The following CEP295 variants were observed in gnomAD, a reference collection of about 807,000 sequenced individuals.
CEP295 encodes centrosomal protein 295, also known as centrosomal protein of 295 kDa.
CEP295 carries 190 observed loss-of-function variants against 291.6 expected under a neutral mutation model. That is an observed-to-expected ratio of 0.65 (90% CI 0.58 to 0.73). The LOEUF is 0.73. CEP295 is among the 30% of genes least tolerant of loss of function. The pLI is 0.00. For missense variants in CEP295, 2,863 were observed against 2,949.4 expected (o/e 0.97, Z 0.68); for synonymous variants, 993 against 1,038.8 (o/e 0.96, Z 0.85).
intron 21 of CEP295, chr11:93,723,610 G>GC: frequency 5.3e-6 from 1 of 188,374 alleles, no homozygotes; most frequent in African/African-American, 2.4e-5. Flanking sequence ...TTGAGTCATA[G>GC]CCTGACCATT....
At chr11:93,664,593 C>A (rs1413707555) in intron 1 of CEP295, among the ~76,000 whole-genome samples, 2 of 152,184 alleles carry the variant, frequency 1.3e-5, no homozygotes, top group Admixed American at 1.3e-4. Flanking sequence ...TGTAGCACTT[C>A]ACATAAATTA....
At chr11:93,709,816 T>A (rs12801458) in intron 18 of CEP295, among the ~76,000 whole-genome samples, 7,461 of 152,250 alleles carry the variant, frequency 0.049, 272 homozygotes, top group Non-Finnish European at 0.077. Context: ...CCTCTTTAAT[T>A]TCTTCCATCA....
At chr11:93,685,202 T>A (rs114451553) in intron 9 of CEP295, among the ~76,000 whole-genome samples, 121 of 152,334 alleles carry the variant, frequency 7.9e-4, no homozygotes, top group African/African-American at 2.8e-3. Flanking sequence ...ATTCAGCTAT[T>A]TTTGCCCCGT....
Position 93,697,560 on chromosome 11 carries a change from C to T in CEP295, c.2648C>T (p.Thr883Met), listed in dbSNP as rs910870570. The change falls in exon 15 of 30, where the codon ACG (threonine) becomes ATG (methionine). Residue 883 changes from threonine (T) to methionine (M), a missense_variant. By Grantham distance (81) the Thr-to-Met change is moderately conservative (BLOSUM62 -1). Coordinates refer to ENST00000325212, the MANE Select transcript of CEP295 (RefSeq NM_033395.2). ...AAACAGAAAGAAGTGGAACAGCAAA[C>T]GGGCCTCTCGGTATTCCTTCCCTTG... is the stretch of plus-strand genomic sequence containing the variant. ...LCKQKEVEQQ[T>M]GLSVFLPLVT... 7.7e-6 allele frequency: 12 copies of T among 1,551,574 alleles called. No individual in the cohort carries two copies. Among genetic ancestry groups the T allele is most frequent in the East Asian group, 7.3e-5 (3 of 40,942 alleles).
At chr11:93,721,500 C>T (rs1384778106) in intron 19 of CEP295, 88 bp downstream of exon 19, 1 of 887,238 alleles carries the variant, frequency 1.1e-6, no homozygotes, top group Non-Finnish European at 1.9e-6. Flanking sequence ...TATGTTATAA[C>T]ATTAAAGTCA....
Position 93,699,603 on chromosome 11 carries a change from A to G in CEP295, c.4691A>G (p.Gln1564Arg), listed in dbSNP as rs763266373. 9 of 1,551,850 alleles carry G rather than the reference A, an allele frequency of 5.8e-6. No individual in the cohort carries two copies. Among genetic ancestry groups the G allele is most frequent in the Non-Finnish European group, 7.8e-6 (9 of 1,147,100 alleles). Residue 1564 changes from glutamine (Q) to arginine (R), a missense_variant, in exon 15 of 30, where the codon CAG becomes CGG. Physicochemically the swap from Gln to Arg is conservative, Grantham distance 43 (BLOSUM62 1). Around this residue, in one of 3 missense-constraint regions of CEP295, gnomAD observed 2,295 missense variants for 2,335.7 expected, o/e 0.98. Transcript: ENST00000325212. Reference sequence around the variant, plus strand: ...CCTGTTGCTGACTCTGAAAGAACCCAGAAGTCTTTCCCAACCAAAAGTAAT... The same window carrying G: ...CCTGTTGCTGACTCTGAAAGAACCCGGAAGTCTTTCCCAACCAAAAGTAAT... ...QVPVADSERT[Q>R]KSFPTKSNDT...
chr11:93,721,346 A>G lies in CEP295; in HGVS notation c.5784A>G (p.Ala1928=), dbSNP rs574887331. The change falls in exon 19 of 30, where the codon GCA becomes GCG. Residue 1928 remains alanine (A), a synonymous_variant. Transcript: ENST00000325212. ...AGGAATCTGTTGTTGAAAATCATGC[A>G]GTGTTAAGTTATGCTGTGGAGGAAG... ...KLKESVVENH[A]VLSYAVEEEH... 37 of 1,557,344 alleles carry G rather than the reference A, an allele frequency of 2.4e-5. 1 individual carries two copies. In the South Asian group the frequency reaches 2.9e-4, roughly 12 times the overall value.
rs1391038215 is a variant in CEP295 at position 93,728,841 on chromosome 11, C to CAG, written c.7302+20_7302+21insAG. 6.6e-7 allele frequency: 1 copy of CAG among 1,521,088 alleles called. No individual in the cohort carries two copies. Among genetic ancestry groups the CAG allele is most frequent in the East Asian group, 2.5e-5 (1 of 40,736 alleles). 94.2% of individuals were successfully genotyped at this position (1,521,088 alleles called of 1,614,324 possible). A position where few individuals can be genotyped will look rare whatever the true frequency, so the allele number is the denominator to read the frequency against. ...TTTCAGGTAAATTTAAGCTTTCCTT[C>CAG]TATTTTATTCTATTACAAGCAAACC... On this transcript the variant is annotated intron_variant, in intron 25 of 29. Coordinates refer to ENST00000325212, the MANE Select transcript of CEP295 (RefSeq NM_033395.2).
At chr11:93,727,820 GA>G in intron 24 of CEP295, 183 bp downstream of exon 24, 1 of 503,380 alleles carries the variant, frequency 2.0e-6, no homozygotes, top group East Asian at 3.2e-5. Flanking sequence ...TGCCTGGCAG[GA>G]AAAACCTGAA....
At position 93,691,984 on chromosome 11, in the gene CEP295, C is replaced by G; in HGVS notation, c.1487C>G (p.Pro496Arg). 6.5e-7 allele frequency: 1 copy of G among 1,545,022 alleles called. No homozygotes were observed. Among genetic ancestry groups the G allele is most frequent in the Non-Finnish European group, 8.8e-7 (1 of 1,141,094 alleles). ...TVAQSSVLLH[P>R]QEAAARIRMS... ...GCTCAGAGTTCAGTTCTACTTCATCCTCAAGAAGCAGCAGCCAGGATTAGA... is the reference window on the plus strand; with the variant it reads ...GCTCAGAGTTCAGTTCTACTTCATCGTCAAGAAGCAGCAGCCAGGATTAGA... The change falls in exon 12 of 30, where the codon CCT becomes CGT. Residue 496 changes from proline to arginine, a missense_variant. Transcript: ENST00000325212.
Position 93,687,710 on chromosome 11 carries a change from T to A in CEP295, c.1181T>A (p.Ile394Asn), listed in dbSNP as rs1951314318. ...KVLFKKLLNKIRSQKSLWTIK... is the reference protein window; with the variant it reads ...KVLFKKLLNKNRSQKSLWTIK... ...CTTTTTAAAAAATTATTAAATAAGA[T>A]CCGAAGCCAAAAATCTCTCTGGACA... is the stretch of plus-strand genomic sequence containing the variant. Residue 394 changes from isoleucine to asparagine, a missense_variant, in exon 10 of 30, where the codon ATC becomes AAC. This residue lies in a region of CEP295 where 554 missense variants were observed against 576.0 expected (regional missense o/e 0.96). Coordinates refer to ENST00000325212, the MANE Select transcript of CEP295 (RefSeq NM_033395.2). 6.5e-7 allele frequency: 1 copy of A among 1,547,878 alleles called. No individual in the cohort carries two copies. Among genetic ancestry groups the A allele is most frequent in the Non-Finnish European group, 8.7e-7 (1 of 1,144,216 alleles).
chr11:93,661,812 A>G (rs905806012), intron 1 of CEP295, 38 bp downstream of exon 1: 1 of 152,696 alleles, frequency 6.5e-6, no homozygotes, highest in African/African-American at 2.4e-5. Flanking sequence ...GTCGCCCCGT[A>G]GGAGCATGAC....
intron 3 of CEP295, among the ~76,000 whole-genome samples, chr11:93,668,374 G>T (rs1490435475): frequency 1.3e-5 from 2 of 152,124 alleles, no homozygotes; most frequent in Non-Finnish European, 2.9e-5. Context: ...GTTTTAGTCT[G>T]TGTTTTTAGT....
At chr11:93,682,629 A>G (rs1951031499) in intron 7 of CEP295, among the ~76,000 whole-genome samples, 1 of 151,420 alleles carries the variant, frequency 6.6e-6, no homozygotes, top group Non-Finnish European at 1.5e-5. Context: ...CACTGCTAAT[A>G]GAGGATTTCA....
Position 93,687,866 on chromosome 11 carries a change from G to T in CEP295, c.1336+1G>T. The T allele has an allele frequency of 2.6e-6, 4 of 1,542,032 alleles. No individual in the cohort carries two copies. Among genetic ancestry groups the T allele is most frequent in the Non-Finnish European group, 8.8e-7 (1 of 1,142,114 alleles). On this transcript the variant is annotated splice_donor_variant, in intron 10 of 29. Coordinates refer to ENST00000325212, the MANE Select transcript of CEP295 (RefSeq NM_033395.2). LOFTEE classifies it high-confidence loss of function. Reference sequence around the variant, plus strand: ...ACGTTATCCTCTGGGCAGGAACAAGGTATTTCTCTCCAAGAGTCTCATTTT... The same window carrying T: ...ACGTTATCCTCTGGGCAGGAACAAGTTATTTCTCTCCAAGAGTCTCATTTT...
chr11:93,696,161 G>C (rs894681311), intron 13 of CEP295, among the ~76,000 whole-genome samples, 159 bp from the exon 14 acceptor site: 2 of 152,126 alleles, frequency 1.3e-5, no homozygotes, highest in African/African-American at 4.8e-5. Flanking sequence ...TGCACTGAAG[G>C]AGAATGACAG....
At chr11:93,666,646 C>T (rs1354652625) in intron 1 of CEP295, 36 bp from the exon 2 acceptor site, 2 of 785,356 alleles carry the variant, frequency 2.5e-6, no homozygotes, top group East Asian at 2.7e-5. Flanking sequence ...TTTAATGTTA[C>T]ATTATTTTTA....
At chr11:93,665,311 A>C (rs1337650865) in intron 1 of CEP295, among the ~76,000 whole-genome samples, 6 of 152,226 alleles carry the variant, frequency 3.9e-5, no homozygotes, top group Non-Finnish European at 8.8e-5. Context: ...AGAACTATAG[A>C]TTCTTATATT....
At chr11:93,718,725 T>C (rs1028049759) in intron 18 of CEP295, among the ~76,000 whole-genome samples, 2 of 152,142 alleles carry the variant, frequency 1.3e-5, no homozygotes, top group African/African-American at 4.8e-5. Context: ...TGCTTAAGAA[T>C]AGAAGAAAAA....
Sources: allele counts gnomAD v4.1 joint callset (sites outside exome capture counted in the v4.1 genomes callset), GRCh38; gene constraint gnomAD v4.1.1; regional missense constraint gnomAD v4.1.1; transcripts MANE v1.5; gene names NCBI Gene and HGNC (gene_info 2026-07-23, HGNC 2026-07-21).